The following GDPD1 variants were observed in gnomAD, a reference collection of about 807,000 sequenced individuals.
GDPD1 encodes the protein lysophospholipase D GDPD1.
In GDPD1, 28 loss-of-function variants were observed where a neutral mutation model predicts 45.1. The ratio of observed to expected loss-of-function variants is 0.62; its 90% CI spans 0.46 to 0.85. The LOEUF is 0.85. Among genes scored for constraint, GDPD1 ranks in the 40% least tolerant of loss-of-function variants. GDPD1 has a pLI of 0.00. For missense variants in GDPD1, 256 were observed against 364.8 expected (o/e 0.70, Z 2.43); for synonymous variants, 139 against 131.4 (o/e 1.06, Z -0.40).
Position 59,275,109 on chromosome 17 carries a change from TG to T in GDPD1, c.*1339del. The T allele has an allele frequency of 6.6e-7, 1 of 1,504,642 alleles. No homozygotes were observed. The highest frequency in any genetic ancestry group is 8.9e-7 in the Non-Finnish European group (1 of 1,117,902). The allele number at this position is 1,504,642 out of a possible 1,614,324, so 93.2% of individuals were successfully genotyped here. On this transcript the variant is annotated 3_prime_UTR_variant, in exon 10 of 10. Transcript: ENST00000284116. ...CACCCACCTCGGCCTCTCAAAGTGC[TG>T]GGATTACAGGTTTGAACCACTGCAC...
rs1387610261 is a variant in GDPD1, at chr17:59,252,362, C to T, written c.367+3577C>T. ...CAAGCAATCCTCCTGCCTCGGCCTC[C>T]TGTGTAGCTGGGATTACAGGTGCCC... is the stretch of plus-strand genomic sequence containing the variant. On this transcript the variant is annotated intron_variant, in intron 4 of 9. Transcript: ENST00000284116. 2.6e-5 allele frequency among the ~76,000 whole-genome samples: 4 copies of T among 151,704 alleles called. No homozygotes were observed. The East Asian group carries it at 7.9e-4, about 30-fold the overall frequency.
chr17:59,263,680 A>G (rs1597989474), intron 6 of GDPD1, among the ~76,000 whole-genome samples: 2 of 151,270 alleles, frequency 1.3e-5, no homozygotes, highest in South Asian at 4.2e-4. Flanking sequence ...GGGTTTCTCT[A>G]TGTTGGTCAG....
chr17:59,271,433 A>G lies in GDPD1; in HGVS notation c.770+438A>G, dbSNP rs562635406. ...TAACAGCAGAAAGGAAATCCCACCT[A>G]TAGAGTGGATATCAACTTTAAAGTA... On this transcript the variant is annotated intron_variant, in intron 8 of 9. Transcript: ENST00000284116. 8.5e-5 allele frequency among the ~76,000 whole-genome samples: 13 copies of G among 152,286 alleles called. No individual in the cohort carries two copies. In the East Asian group the frequency reaches 2.5e-3, roughly 29 times the overall value.
At chr17:59,246,076 C>T (rs903055629) in intron 3 of GDPD1, among the ~76,000 whole-genome samples, 25 of 150,766 alleles carry the variant, frequency 1.7e-4, no homozygotes, top group Admixed American at 1.1e-3. Flanking sequence ...GCCAAGATTG[C>T]GCCACTGCAC....
intron 1 of GDPD1, among the ~76,000 whole-genome samples, chr17:59,222,791 A>C (rs1346396521): frequency 1.3e-5 from 2 of 152,130 alleles, no homozygotes; most frequent in Admixed American, 6.6e-5. Context: ...TTGGGATTAC[A>C]GGCGTGAGAC....
In GDPD1 at chr17:59,274,219, C is replaced by G; in HGVS notation, c.*446C>G. ...TTCTGGAATCAAAGACTATTGGATA[C>G]ATTTGGCATTGGGCTGAGTGTGGTG... On this transcript the variant is annotated 3_prime_UTR_variant, in exon 10 of 10. Transcript: ENST00000284116. The G allele has an allele frequency of 1.0e-6, 1 of 957,936 alleles. No individual in the cohort carries two copies. 59.3% of individuals were successfully genotyped at this position (957,936 alleles called of 1,614,324 possible).
chr17:59,255,861 A>ATATATATATATACACACACACG, intron 4 of GDPD1, among the ~76,000 whole-genome samples: 1 of 88,228 alleles, frequency 1.1e-5, no homozygotes, highest in East Asian at 3.3e-4. Context: ...ACACACGTAT[A>ATATATATATATACACACACACG]TATATATATA....
chr17:59,242,634 T>C (rs909349575), intron 2 of GDPD1, among the ~76,000 whole-genome samples: 1 of 152,220 alleles, frequency 6.6e-6, no homozygotes, highest in African/African-American at 2.4e-5. Flanking sequence ...AGATAGTTTT[T>C]GCTCCTAGTT....
At chr17:59,257,628 G>A in intron 5 of GDPD1, 123 bp from the exon 6 acceptor site, 1 of 625,070 alleles carries the variant, frequency 1.6e-6, no homozygotes, top group South Asian at 2.0e-5. Context: ...TTTACATATT[G>A]ATTCTTCCAA....
rs201732434 is a variant in GDPD1, at chr17:59,255,855, A to G, written c.368-1267A>G. Reference sequence around the variant, plus strand: ...CGTATATATATATATATATATACACACGTATATATATATATATATACACAC... The same window carrying G: ...CGTATATATATATATATATATACACGCGTATATATATATATATATACACAC... On this transcript the variant is annotated intron_variant, in intron 4 of 9. Coordinates refer to ENST00000284116, the MANE Select transcript of GDPD1 (RefSeq NM_182569.4). 0.015 allele frequency among the ~76,000 whole-genome samples: 1,221 copies of G among 82,874 alleles called. 159 individuals carry two copies. The East Asian group carries it at 0.16, about 11-fold the overall frequency. The allele number at this position is 82,874 out of a possible 152,430, so 54.4% of individuals were successfully genotyped here.
At chr17:59,226,837 G>C (rs2047050769) in intron 1 of GDPD1, among the ~76,000 whole-genome samples, 1 of 151,610 alleles carries the variant, frequency 6.6e-6, no homozygotes, top group African/African-American at 2.4e-5. Context: ...ACCATACCCA[G>C]CTAATTTTTT....
chr17:59,250,686 A>G (rs749640591), intron 4 of GDPD1, among the ~76,000 whole-genome samples: 37 of 151,452 alleles, frequency 2.4e-4, no homozygotes, highest in Admixed American at 1.1e-3. Context: ...TATGTCCCTC[A>G]GAAAGTCATG....
rs1039599483 is a variant in GDPD1 at position 59,235,310 on chromosome 17, G to A, written c.185+776G>A. Reference sequence around the variant, plus strand: ...TATATAATTGGGACTAAGAAATTTGGAGAATTTGACTTCACTTTTTGTTCT... The same window carrying A: ...TATATAATTGGGACTAAGAAATTTGAAGAATTTGACTTCACTTTTTGTTCT... On this transcript the variant is annotated intron_variant, in intron 2 of 9. Transcript: ENST00000284116. Among the ~76,000 whole-genome samples the A allele has an allele frequency of 4.6e-5, 7 of 152,054 alleles. 1 individual carries two copies. The highest frequency in any genetic ancestry group is 1.7e-4 in the African/African-American group (7 of 41,414).
At chr17:59,262,752 C>G (rs980216985) in intron 6 of GDPD1, among the ~76,000 whole-genome samples, 16 of 151,758 alleles carry the variant, frequency 1.1e-4, no homozygotes, top group African/African-American at 3.6e-4. Flanking sequence ...TTCAGCCTCC[C>G]GAGTAGCTGG....
intron 2 of GDPD1, among the ~76,000 whole-genome samples, chr17:59,244,017 G>A (rs1213472250): frequency 6.6e-6 from 1 of 152,010 alleles, no homozygotes; most frequent in Non-Finnish European, 1.5e-5. Flanking sequence ...ATTGACCGAG[G>A]GCTTAAGGCA....
Position 59,273,756 on chromosome 17 carries a change from C to T in GDPD1, c.928C>T (p.His310Tyr), listed in dbSNP as rs761630278. 4 of 1,571,922 alleles carry T rather than the reference C, an allele frequency of 2.5e-6. No individual in the cohort carries two copies. The Admixed American group carries it at 7.4e-5, about 29-fold the overall frequency. ...DYPTKLRDFL[H>Y]NFSA ...TCCAACAAAGCTTAGGGATTTTTTA[C>T]ATAACTTTTCAGCATAGAAAAAGAG... The change falls in exon 10 of 10, where the codon CAT becomes TAT. Residue 310 changes from histidine (H) to tyrosine (Y), a missense_variant. Transcript: ENST00000284116.
chr17:59,242,059 TTTTG>T (rs746123995), intron 2 of GDPD1, among the ~76,000 whole-genome samples: 245 of 152,226 alleles, frequency 1.6e-3, no homozygotes, highest in Admixed American at 9.8e-4. Context: ...TTCTGGGTTT[TTTTG>T]TTTGTTTGTT....
chr17:59,255,481 C>A (rs548239178), intron 4 of GDPD1, among the ~76,000 whole-genome samples: 13 of 151,326 alleles, frequency 8.6e-5, no homozygotes, highest in African/African-American at 2.7e-4. Flanking sequence ...GTGGCTCACG[C>A]TTGTAATCCC....
chr17:59,241,843 G>A (rs926706433), intron 2 of GDPD1, among the ~76,000 whole-genome samples: 10 of 151,854 alleles, frequency 6.6e-5, no homozygotes, highest in Non-Finnish European at 1.3e-4. Context: ...CAGAAGAATC[G>A]CTTGAACCTG....
Sources: gnomAD v4.1 joint callset for allele counts (sites outside exome capture counted in the v4.1 genomes callset) on GRCh38, gnomAD v4.1.1 for gene constraint, MANE v1.5 for transcripts, NCBI Gene and HGNC (gene_info 2026-07-23, HGNC 2026-07-21) for gene names.